Variants in CUL3 observed in about 807,000 individuals in gnomAD.
CUL3 encodes the protein cullin-3.
A neutral mutation model predicts 89.1 loss-of-function variants in CUL3; 19 were observed. The observed-to-expected ratio is 0.21, with a 90% CI of 0.15 to 0.31. The LOEUF (loss-of-function observed/expected upper bound fraction) is 0.31. CUL3 is among the 10% of genes least tolerant of loss of function. The probability of loss-of-function intolerance (pLI) is 1.00; values close to 1 mark genes in which losing one functional copy is unlikely to be tolerated. For missense variants in CUL3, 469 were observed against 942.3 expected, an observed-to-expected ratio of 0.50 and a Z score of 6.58; for synonymous variants, 351 against 308.4, an observed-to-expected ratio of 1.14 and a Z score of -1.45.
intron 2 of CUL3, among the ~76,000 whole-genome samples, chr2:224,550,707 A>G (rs1694481176): frequency 6.6e-6 from 1 of 152,196 alleles, no homozygotes; most frequent in African/African-American, 2.4e-5. Context: ...TTCTTTCTAC[A>G]TCCAAAATAT....
Position 224,474,162 on chromosome 2 carries a change from T to C in CUL3, c.*83A>G. 1 of 1,375,926 alleles carries C rather than the reference T, an allele frequency of 7.3e-7. No individual in the cohort carries two copies. Among genetic ancestry groups the C allele is most frequent in the Admixed American group, 2.1e-5 (1 of 47,394 alleles). The allele number at this position is 1,375,926 out of a possible 1,614,324, so 85.2% of individuals were successfully genotyped here. On this transcript the variant is annotated 3_prime_UTR_variant, in exon 16 of 16. Coordinates refer to ENST00000264414, the MANE Select transcript of CUL3 (RefSeq NM_003590.5). ...TGTAATTTAATAGAAGAGATGGTCG[T>C]CTTAATATTTAATGATTTAAAAGAA...
intron 13 of CUL3, among the ~76,000 whole-genome samples, chr2:224,492,125 G>A (rs904366487): frequency 6.6e-6 from 1 of 152,082 alleles, no homozygotes; most frequent in African/African-American, 2.4e-5. Flanking sequence ...AAAAAATTAT[G>A]CTAGCCTCAG....
At chr2:224,506,823 A>C (rs557990123) in intron 7 of CUL3, 35 bp downstream of exon 7, 40 of 1,605,818 alleles carry the variant, frequency 2.5e-5, no homozygotes, top group Non-Finnish European at 3.2e-5. Flanking sequence ...AAATGCCTTT[A>C]TCATAAACAC....
chr2:224,569,774 T>TACTA (rs1695138395), intron 1 of CUL3: 1 of 1,184,066 alleles, frequency 8.4e-7, no homozygotes, highest in African/African-American at 1.7e-5. Flanking sequence ...TCTTAACATC[T>TACTA]ACTACATACA....
At position 224,471,640 on chromosome 2, in the gene CUL3, A is replaced by T. The variant is rs1691134994; in HGVS notation, c.*2605T>A. On this transcript the variant is annotated 3_prime_UTR_variant, in exon 16 of 16. Transcript: ENST00000264414. Reference sequence around the variant, plus strand: ...TAGAAAGGCATGCATCTCTTCCCCCATTCCCTTTTTAAGTTCACTGACATA... The same window carrying T: ...TAGAAAGGCATGCATCTCTTCCCCCTTTCCCTTTTTAAGTTCACTGACATA... 1 of 213,200 alleles carries T rather than the reference A, an allele frequency of 4.7e-6. No homozygotes were observed. Among genetic ancestry groups the T allele is most frequent in the Non-Finnish European group, 9.5e-6 (1 of 105,420 alleles). The allele number at this position is 213,200 out of a possible 1,614,324, so 13.2% of individuals were successfully genotyped here.
At chr2:224,569,858 A>G in intron 1 of CUL3, 1 of 980,942 alleles carries the variant, frequency 1.0e-6, no homozygotes, top group Non-Finnish European at 1.2e-6. Flanking sequence ...GGGTGGGGGA[A>G]AGGGTGAGAA....
intron 12 of CUL3, 103 bp from the exon 13 acceptor site, chr2:224,496,069 C>G (rs2106180888): frequency 1.5e-6 from 2 of 1,303,990 alleles, no homozygotes; most frequent in Non-Finnish European, 2.1e-6. Flanking sequence ...CTCACTTTGT[C>G]ATCCAGGCTA....
chr2:224,528,213 G>A (rs1693550260), intron 3 of CUL3, among the ~76,000 whole-genome samples: 1 of 152,176 alleles, frequency 6.6e-6, no homozygotes, highest in Non-Finnish European at 1.5e-5. Flanking sequence ...TGTTGGCAGG[G>A]CTGGCTCCTT....
At chr2:224,511,679 A>G in intron 5 of CUL3, 97 bp from the exon 6 acceptor site, 1 of 644,792 alleles carries the variant, frequency 1.6e-6, no homozygotes, top group South Asian at 2.4e-5. Flanking sequence ...AATCAGCCTA[A>G]ATAAAATAAG....
chr2:224,509,783 T>C (rs1025575000), intron 6 of CUL3, among the ~76,000 whole-genome samples: 3 of 152,224 alleles, frequency 2.0e-5, no homozygotes, highest in African/African-American at 7.2e-5. Flanking sequence ...ATTCATTCAA[T>C]ACCTAAACAG....
At chr2:224,528,975 A>G (rs1418839702) in intron 3 of CUL3, among the ~76,000 whole-genome samples, 1 of 152,234 alleles carries the variant, frequency 6.6e-6, no homozygotes, top group Non-Finnish European at 1.5e-5. Context: ...AGTTTTGCAC[A>G]GCAATTCTTC....
In CUL3 at chr2:224,470,794, T is replaced by C. The variant is rs887361909; in HGVS notation, c.*3451A>G. 6 of 231,544 alleles carry C rather than the reference T, an allele frequency of 2.6e-5. No homozygotes were observed. The highest frequency in any genetic ancestry group is 1.3e-3 in the Middle Eastern group (1 of 772). The allele number at this position is 231,544 out of a possible 1,614,324, so 14.3% of individuals were successfully genotyped here. ...TGTGCAAAATTCCATATTGCAATGC[T>C]TCATGTATTAACTTTAGTTTGTCAC... On this transcript the variant is annotated 3_prime_UTR_variant, in exon 16 of 16. Coordinates refer to ENST00000264414, the MANE Select transcript of CUL3 (RefSeq NM_003590.5).
intron 13 of CUL3, among the ~76,000 whole-genome samples, chr2:224,487,982 T>G (rs1239684392): frequency 6.6e-6 from 1 of 152,194 alleles, no homozygotes; most frequent in Non-Finnish European, 1.5e-5. Flanking sequence ...CTGAACAACC[T>G]GTTCCTGAAT....
intron 13 of CUL3, among the ~76,000 whole-genome samples, chr2:224,489,284 A>C (rs1371387044): frequency 1.3e-5 from 2 of 152,092 alleles, no homozygotes; most frequent in Non-Finnish European, 2.9e-5. Flanking sequence ...AAAGAAATAA[A>C]GTATTCAAAC....
chr2:224,576,526 A>ATT (rs1230771326), intron 1 of CUL3, among the ~76,000 whole-genome samples: 2 of 152,172 alleles, frequency 1.3e-5, no homozygotes, highest in Non-Finnish European at 2.9e-5. Context: ...GACTCACTGA[A>ATT]TTTATCAATT....
At chr2:224,551,604 A>G (rs1483831356) in intron 2 of CUL3, among the ~76,000 whole-genome samples, 1 of 150,496 alleles carries the variant, frequency 6.6e-6, no homozygotes, top group Non-Finnish European at 1.5e-5. Flanking sequence ...TCAGTCTCCC[A>G]AAGTGCTAGG....
intron 6 of CUL3, among the ~76,000 whole-genome samples, chr2:224,508,770 T>A (rs1247476296): frequency 1.3e-5 from 2 of 152,132 alleles, no homozygotes; most frequent in East Asian, 3.9e-4. Context: ...CCACCCTGGC[T>A]AACACGGTGA....
chr2:224,500,492 G>A lies in CUL3; in HGVS notation c.1486-5C>T, dbSNP rs755325946. 3 of 1,613,194 alleles carry A rather than the reference G, an allele frequency of 1.9e-6. No individual in the cohort carries two copies. The highest frequency in any genetic ancestry group is 1.3e-5 in the African/African-American group (1 of 74,952). On this transcript the variant is annotated splice_region_variant and splice_polypyrimidine_tract_variant and intron_variant, in intron 10 of 15. Coordinates refer to ENST00000264414, the MANE Select transcript of CUL3 (RefSeq NM_003590.5). ...ATCAACACCACCTAAAGATACCTAT[G>A]TAAAACAGAAAGAGATATTCCCCTC...
At chr2:224,496,714 G>A (rs1451830468) in intron 12 of CUL3, among the ~76,000 whole-genome samples, 1 of 152,090 alleles carries the variant, frequency 6.6e-6, no homozygotes, top group Non-Finnish European at 1.5e-5. Flanking sequence ...GGCTGGGGGA[G>A]GAGGGGGGAA....
Sources: gnomAD v4.1 joint callset for allele counts (sites outside exome capture counted in the v4.1 genomes callset) on GRCh38, gnomAD v4.1.1 for gene constraint, MANE v1.5 for transcripts, NCBI Gene and HGNC (gene_info 2026-07-23, HGNC 2026-07-21) for gene names.